Variants in CDH4 observed in about 807,000 individuals in gnomAD.
CDH4 encodes the protein cadherin 4, also known as cadherin-4.
CDH4 carries 33 observed loss-of-function variants against 86.0 expected under a neutral mutation model. The ratio of observed to expected loss-of-function variants is 0.38; its 90% CI spans 0.29 to 0.51. CDH4 has a LOEUF of 0.51. CDH4 is among the 20% of genes least tolerant of loss of function. CDH4 has a pLI of 0.86. For synonymous variants in CDH4, 555 were observed against 549.4 expected (o/e 1.01, Z -0.14); for missense variants, 1,114 against 1,307.4 (o/e 0.85, Z 2.28).
intron 2 of CDH4, among the ~76,000 whole-genome samples, chr20:61,401,489 G>A (rs1046624677): frequency 6.6e-6 from 1 of 152,202 alleles, no homozygotes; most frequent in Admixed American, 6.5e-5. Flanking sequence ...TGAAATGAGA[G>A]AAACGTAACT....
chr20:61,337,023 G>A (rs891696422), intron 2 of CDH4, among the ~76,000 whole-genome samples: 2 of 152,074 alleles, frequency 1.3e-5, no homozygotes, highest in Admixed American at 6.5e-5. Flanking sequence ...CTCTCACTGT[G>A]AGGTTCACAG....
intron 2 of CDH4, among the ~76,000 whole-genome samples, chr20:61,491,170 A>C (rs1432868483): frequency 2.6e-5 from 4 of 152,216 alleles, no homozygotes; most frequent in Non-Finnish European, 5.9e-5. Context: ...GGGTTTTCTA[A>C]TTAGAAGTGT....
chr20:61,439,236 T>TGTGCTGCAGTGTGCA (rs1292207051), intron 2 of CDH4, among the ~76,000 whole-genome samples: 8 of 152,068 alleles, frequency 5.3e-5, no homozygotes, highest in African/African-American at 1.4e-4. Flanking sequence ...CGGTGTGCGT[T>TGTGCTGCAGTGTGCA]TTGGTTGTGC....
intron 2 of CDH4, among the ~76,000 whole-genome samples, chr20:61,506,200 G>A (rs535032067): frequency 6.6e-6 from 1 of 152,352 alleles, no homozygotes; most frequent in South Asian, 2.1e-4. Context: ...TATGCATTCG[G>A]TGGAGAGTAA....
intron 8 of CDH4, among the ~76,000 whole-genome samples, chr20:61,906,468 C>CA (rs1188834830): frequency 6.6e-6 from 1 of 152,280 alleles, no homozygotes; most frequent in African/African-American, 2.4e-5. Context: ...TCAACCCTCC[C>CA]ACAGAGGCCT....
chr20:61,577,450 A>G (rs962566973), intron 2 of CDH4, among the ~76,000 whole-genome samples: 2 of 152,238 alleles, frequency 1.3e-5, no homozygotes, highest in African/African-American at 4.8e-5. Flanking sequence ...CGCATGTTGA[A>G]AGATGATTGT....
rs1466214310 is a variant in CDH4, at chr20:61,829,719, C to T, written c.577-14949C>T. Among the ~76,000 whole-genome samples, 3 of 152,172 alleles carry T rather than the reference C, an allele frequency of 2.0e-5. No individual in the cohort carries two copies. The highest frequency in any genetic ancestry group is 2.1e-4 in the South Asian group (1 of 4,832). Reference sequence around the variant, plus strand: ...AGGAGGCTCCCTCTGTGCCGACGCCCGTGGGCTGCAGACGGGTGGGTGACT... The same window carrying T: ...AGGAGGCTCCCTCTGTGCCGACGCCTGTGGGCTGCAGACGGGTGGGTGACT... On this transcript the variant is annotated intron_variant, in intron 4 of 15. Transcript: ENST00000614565. The surrounding 1 kb of genome is among the most constrained non-coding windows in gnomAD (Gnocchi z 4.2).
At chr20:61,426,059 A>T (rs2085213721) in intron 2 of CDH4, among the ~76,000 whole-genome samples, 1 of 152,226 alleles carries the variant, frequency 6.6e-6, no homozygotes. Context: ...GGGAGATTTG[A>T]CTCCTTACTA....
At chr20:61,798,184 G>GC (rs1486833807) in intron 4 of CDH4, among the ~76,000 whole-genome samples, 3 of 146,738 alleles carry the variant, frequency 2.0e-5, no homozygotes, top group African/African-American at 5.0e-5. Flanking sequence ...CCCCCGCCCC[G>GC]CCCGGCCCTG....
chr20:61,484,762 CAG>C (rs11469728), intron 2 of CDH4, among the ~76,000 whole-genome samples: 7,208 of 152,212 alleles, frequency 0.047, 538 homozygotes, highest in African/African-American at 0.16. Flanking sequence ...AGAGGGGGCT[CAG>C]GGGGTGCGCC....
chr20:61,289,072 TG>T (rs2084307894), intron 2 of CDH4, among the ~76,000 whole-genome samples: 1 of 152,210 alleles, frequency 6.6e-6, no homozygotes, highest in South Asian at 2.1e-4. Flanking sequence ...AGGCAGAAGT[TG>T]TTTCTTCCCT....
intron 2 of CDH4, among the ~76,000 whole-genome samples, chr20:61,741,388 G>A (rs146452645): frequency 5.4e-4 from 83 of 152,316 alleles, no homozygotes; most frequent in Middle Eastern, 6.8e-3. Context: ...GGTTCATATG[G>A]CTGACGCCAC....
At chr20:61,380,724 A>G (rs1319762898) in intron 2 of CDH4, among the ~76,000 whole-genome samples, 6 of 152,190 alleles carry the variant, frequency 3.9e-5, no homozygotes. Context: ...TCAATATGGC[A>G]GCCCGCATGG....
At chr20:61,913,517 C>T (rs998807814) in intron 9 of CDH4, among the ~76,000 whole-genome samples, 1 of 152,242 alleles carries the variant, frequency 6.6e-6, no homozygotes, top group Admixed American at 6.5e-5. Context: ...GGCAGGCCCA[C>T]GGAGCCCTCT....
At chr20:61,591,633 T>A (rs2086519960) in intron 2 of CDH4, among the ~76,000 whole-genome samples, 2 of 152,238 alleles carry the variant, frequency 1.3e-5, no homozygotes, top group African/African-American at 2.4e-5. Flanking sequence ...TCCTGTTTCT[T>A]AAACGTTAGT....
chr20:61,778,345 T>G (rs1429988501), intron 4 of CDH4, among the ~76,000 whole-genome samples: 1 of 152,212 alleles, frequency 6.6e-6, no homozygotes, highest in Non-Finnish European at 1.5e-5. Context: ...CATTTCATTC[T>G]GATAAAATAT....
rs193223402 is a variant in CDH4, at chr20:61,564,873, G to A, written c.170-178690G>A. 4.6e-5 allele frequency among the ~76,000 whole-genome samples: 7 copies of A among 152,274 alleles called. No homozygotes were observed. In the East Asian group the frequency reaches 1.4e-3, roughly 29 times the overall value. On this transcript the variant is annotated intron_variant, in intron 2 of 15. Transcript: ENST00000614565. ...CGAGGTCCCCGGGGGAGATGCGGGA[G>A]CATAGGGAGTTGTAAATCCACAGCA... is the stretch of plus-strand genomic sequence containing the variant.
chr20:61,534,749 CGCTCCTTTGG>C, intron 2 of CDH4, among the ~76,000 whole-genome samples: 1 of 142,784 alleles, frequency 7.0e-6, no homozygotes, highest in Non-Finnish European at 1.5e-5. Context: ...CTTGCTGGGA[CGCTCCTTTGG>C]AGCAGCCTCT....
chr20:61,890,629 A>T (rs1372845001), intron 7 of CDH4, among the ~76,000 whole-genome samples: 1 of 152,148 alleles, frequency 6.6e-6, no homozygotes, highest in Non-Finnish European at 1.5e-5. Flanking sequence ...GGGGATGGGT[A>T]GACGGATGAG....
Sources: gnomAD v4.1 joint callset for allele counts (sites outside exome capture counted in the v4.1 genomes callset) on GRCh38, gnomAD v4.1.1 for gene constraint, Gnocchi (gnomAD v3.1) non-coding constraint, MANE v1.5 for transcripts, NCBI Gene and HGNC (gene_info 2026-07-23, HGNC 2026-07-21) for gene names.